Variants in NOTCH1 observed in about 807,000 individuals in gnomAD.
The protein encoded by NOTCH1 is notch receptor 1, also known as neurogenic locus notch homolog protein 1.
NOTCH1 carries 37 observed loss-of-function variants against 254.8 expected under a neutral mutation model. The observed-to-expected ratio is 0.15, with a 90% CI of 0.11 to 0.19. NOTCH1 has a LOEUF of 0.19. Among genes scored for constraint, NOTCH1 ranks in the 10% least tolerant of loss-of-function variants. The pLI is 1.00. For missense variants in NOTCH1, 2,972 were observed against 3,708.6 expected (o/e 0.80, Z 5.16); for synonymous variants, 1,731 against 1,618.1 (o/e 1.07, Z -1.68).
chr9:136,514,503 C>T lies in NOTCH1; in HGVS notation c.2207+7G>A, dbSNP rs138935812. 1.0e-4 allele frequency: 162 copies of T among 1,566,976 alleles called. 1 individual carries two copies. In the East Asian group the frequency reaches 3.4e-3, roughly 33 times the overall value. Reference sequence around the variant, plus strand: ...GATGTGTCCCCATGATCGGCCCCGCCGCATACCCGTTGAGGCTGTCCCGGC... The same window carrying T: ...GATGTGTCCCCATGATCGGCCCCGCTGCATACCCGTTGAGGCTGTCCCGGC... On this transcript the variant is annotated splice_region_variant and intron_variant, in intron 13 of 33. Coordinates refer to ENST00000651671, the MANE Select transcript of NOTCH1 (RefSeq NM_017617.5).
chr9:136,533,399 CTG>C (rs1272065052), intron 2 of NOTCH1, among the ~76,000 whole-genome samples: 1 of 152,268 alleles, frequency 6.6e-6, no homozygotes, highest in Non-Finnish European at 1.5e-5. Flanking sequence ...TTTCCAGTAA[CTG>C]TGTGTTTCCG....
chr9:136,500,597 G>A lies in NOTCH1; in HGVS notation c.5889C>T (p.Thr1963=), dbSNP rs766924799. ...CGGCAGACACAGCCGCATGCAGCGG[G>A]GTGCGGCCCATGTTGTCCTGGATGT... ...DANIQDNMGR[T]PLHAAVSADA... The change falls in exon 31 of 34, where the codon ACC becomes ACT. Residue 1963 remains threonine (T), a synonymous_variant. Coordinates refer to ENST00000651671, the MANE Select transcript of NOTCH1 (RefSeq NM_017617.5). 1 of 1,611,872 alleles carries A rather than the reference G, an allele frequency of 6.2e-7. No individual in the cohort carries two copies. The highest frequency in any genetic ancestry group is 8.5e-7 in the Non-Finnish European group (1 of 1,179,894).
chr9:136,510,753 G>T lies in NOTCH1; in HGVS notation c.2640C>A (p.His880Gln), dbSNP rs374946182. 6.2e-7 allele frequency: 1 copy of T among 1,610,668 alleles called. No homozygotes were observed. The highest frequency in any genetic ancestry group is 1.1e-5 in the South Asian group (1 of 91,082). The stretch of plus-strand genomic sequence containing the variant: ...CGTGGGTGTTCTGGCAGGATGCGCC[G>T]TGCCGGCACGGGCTCAGAACGCACT... ...INECVLSPCR[H>Q]GASCQNTHGG... The change falls in exon 17 of 34, where the codon CAC becomes CAA. Residue 880 changes from histidine to glutamine, a missense_variant. Coordinates refer to ENST00000651671, the MANE Select transcript of NOTCH1 (RefSeq NM_017617.5).
intron 16 of NOTCH1, 118 bp downstream of exon 16, chr9:136,511,034 T>TC (rs1564194909): frequency 2.3e-5 from 34 of 1,503,508 alleles, no homozygotes; most frequent in Non-Finnish European, 2.9e-5. Flanking sequence ...GACCAGGGCC[T>TC]CCTCAGCACC....
intron 2 of NOTCH1, among the ~76,000 whole-genome samples, chr9:136,535,112 G>A (rs1162461562): frequency 1.4e-5 from 2 of 140,060 alleles, no homozygotes; most frequent in Admixed American, 7.3e-5. Flanking sequence ...CAGCCCCACA[G>A]ACCTGAGGGA....
rs2133342936 is a variant in NOTCH1, at chr9:136,506,659, A to G, written c.3902-20T>C. ...GGCGCCCTAGGGGTAAGAGCAGGGC[A>G]GTGAGAGGCTCACCCTGCTGCCCCA... On this transcript the variant is annotated intron_variant, in intron 23 of 33. Coordinates refer to ENST00000651671, the MANE Select transcript of NOTCH1 (RefSeq NM_017617.5). The surrounding 1 kb of genome is among the most constrained non-coding windows in gnomAD (Gnocchi z 4.5). 1 of 1,600,702 alleles carries G rather than the reference A, an allele frequency of 6.2e-7. No homozygotes were observed. The highest frequency in any genetic ancestry group is 8.5e-7 in the Non-Finnish European group (1 of 1,174,496).
chr9:136,519,578 G>A lies in NOTCH1; in HGVS notation c.743-13C>T, dbSNP rs2133372944. The A allele has an allele frequency of 6.2e-7, 1 of 1,612,658 alleles. No individual in the cohort carries two copies. The highest frequency in any genetic ancestry group is 8.5e-7 in the Non-Finnish European group (1 of 1,179,854). On this transcript the variant is annotated splice_polypyrimidine_tract_variant and intron_variant, in intron 4 of 33. Coordinates refer to ENST00000651671, the MANE Select transcript of NOTCH1 (RefSeq NM_017617.5). ...TGGCCGGTGAAGCCTGCCGCAAGAG[G>A]GGCCGGGTCAGCCTCTTCCCTGAGG... is the stretch of plus-strand genomic sequence containing the variant.
intron 2 of NOTCH1, among the ~76,000 whole-genome samples, chr9:136,530,132 G>A (rs1843535772): frequency 6.6e-6 from 1 of 152,244 alleles, no homozygotes; most frequent in Non-Finnish European, 1.5e-5. Context: ...GCGGAGTTGG[G>A]TGGGGCGGGG....
At chr9:136,528,415 TGCGGGGGG>T (rs1564206632) in intron 2 of NOTCH1, among the ~76,000 whole-genome samples, 8 of 7,762 alleles carry the variant, frequency 1.0e-3, no homozygotes, top group Non-Finnish European at 1.8e-3. Flanking sequence ...GCAGGGACAG[TGCGGGGGG>T]GATGGGCAGG....
intron 9 of NOTCH1, 34 bp downstream of exon 9, chr9:136,517,238 C>T (rs534658399): frequency 1.8e-5 from 25 of 1,415,624 alleles, no homozygotes; most frequent in East Asian, 4.9e-5. Flanking sequence ...AGGGTGCAGA[C>T]GACCCGGGGG....
chr9:136,515,612 G>A lies in NOTCH1; in HGVS notation c.1774C>T (p.Arg592Cys), dbSNP rs1472690723. 17 of 1,607,976 alleles carry A rather than the reference G, an allele frequency of 1.1e-5. No homozygotes were observed. The highest frequency in any genetic ancestry group is 1.1e-5 in the Non-Finnish European group (13 of 1,178,998). The change falls in exon 11 of 34, where the codon CGC (arginine) becomes TGC (cysteine). Residue 592 changes from arginine (R) to cysteine (C), a missense_variant. Physicochemically the swap from Arg to Cys is radical, Grantham distance 180. This residue lies in a region of NOTCH1 where 128 missense variants were observed against 193.8 expected (regional missense o/e 0.66). Coordinates refer to ENST00000651671, the MANE Select transcript of NOTCH1 (RefSeq NM_017617.5). ...CAGTGGTGGCCCGTGTAGCCTGGGC[G>A]GCAGAGGCAGGTGAAGGTGGCGACG... Reference protein sequence around the residue: ...DGVATFTCLCRPGYTGHHCET... With the variant: ...DGVATFTCLCCPGYTGHHCET...
rs573408254 is a variant in NOTCH1 at position 136,534,386 on chromosome 9, G to A, written c.140+9638C>T. On this transcript the variant is annotated intron_variant, in intron 2 of 33. Coordinates refer to ENST00000651671, the MANE Select transcript of NOTCH1 (RefSeq NM_017617.5). ...GCCAGGGGACTGCGTAGACAGGGTC[G>A]ACATCTGATGACAAATTCTCATCTG... Among the ~76,000 whole-genome samples the A allele has an allele frequency of 4.6e-5, 7 of 152,314 alleles. No individual in the cohort carries two copies. In the East Asian group the frequency reaches 7.7e-4, roughly 17 times the overall value.
intron 2 of NOTCH1, among the ~76,000 whole-genome samples, chr9:136,525,316 G>A (rs538873204): frequency 4.6e-5 from 7 of 152,170 alleles, no homozygotes; most frequent in Non-Finnish European, 1.0e-4. Context: ...TGCGGCAACA[G>A]GCGCAGAGCC....
At chr9:136,512,967 G>GCCC in intron 15 of NOTCH1, 54 bp downstream of exon 15, 2 of 304,536 alleles carry the variant, frequency 6.6e-6, no homozygotes, top group South Asian at 2.1e-5. Flanking sequence ...CACAGGTCCC[G>GCCC]CCCCTCCCAC....
rs1232665062 is a variant in NOTCH1, at chr9:136,545,308, G to A, written c.61+418C>T. Among the ~76,000 whole-genome samples, 1 of 152,118 alleles carries A rather than the reference G, an allele frequency of 6.6e-6. No homozygotes were observed. Among genetic ancestry groups the A allele is most frequent in the African/African-American group, 2.4e-5 (1 of 41,444 alleles). ...ACATCCGCCCCGGCGTGGGCCAGAG[G>A]CGAAGAAGAAAGAAGATAAATGGCC... On this transcript the variant is annotated intron_variant, in intron 1 of 33. Transcript: ENST00000651671. This position sits in a 1 kb window ranked among gnomAD's most constrained non-coding sequence, Gnocchi z 6.8.
rs764327751 is a variant in NOTCH1 at position 136,510,739 on chromosome 9, T to C, written c.2654A>G (p.Gln885Arg). ...LSPCRHGASCQNTHGGYRCHC... is the reference protein window; with the variant it reads ...LSPCRHGASCRNTHGGYRCHC... ...GCAGCGGTAGCCGCCGTGGGTGTTC[T>C]GGCAGGATGCGCCGTGCCGGCACGG... Residue 885 changes from glutamine (Q) to arginine (R), a missense_variant, in exon 17 of 34, where the codon CAG (glutamine) becomes CGG (arginine). This residue lies in a region of NOTCH1 where 1,343 missense variants were observed against 1,557.0 expected (regional missense o/e 0.86). Transcript: ENST00000651671. The C allele has an allele frequency of 2.9e-5, 46 of 1,610,722 alleles. No individual in the cohort carries two copies. In the Admixed American group the frequency reaches 7.3e-4, roughly 26 times the overall value.
At chr9:136,516,186 G>A in intron 9 of NOTCH1, 92 bp from the exon 10 acceptor site, 1 of 955,470 alleles carries the variant, frequency 1.0e-6, no homozygotes, top group Non-Finnish European at 1.6e-6. Context: ...TGAGCGCCTG[G>A]CTGGGCTCCC....
At chr9:136,518,368 C>T in intron 6 of NOTCH1, 76 bp from the exon 7 acceptor site, 2 of 1,530,044 alleles carry the variant, frequency 1.3e-6, no homozygotes, top group Non-Finnish European at 1.8e-6. Context: ...GGGGTCCAAC[C>T]CCACTGACAC....
chr9:136,521,147 C>T (rs1403985998), intron 4 of NOTCH1, among the ~76,000 whole-genome samples: 4 of 152,308 alleles, frequency 2.6e-5, no homozygotes, highest in East Asian at 3.9e-4. Context: ...GTGCAGGGGC[C>T]GCCGGGGACA....
Sources: gnomAD v4.1 joint callset for allele counts (sites outside exome capture counted in the v4.1 genomes callset) on GRCh38, gnomAD v4.1.1 for gene constraint, gnomAD v4.1.1 regional missense constraint, Gnocchi (gnomAD v3.1) non-coding constraint, MANE v1.5 for transcripts, NCBI Gene and HGNC (gene_info 2026-07-23, HGNC 2026-07-21) for gene names.